TAFA1: variants seen among roughly 807,000 people sequenced by gnomAD.
The protein encoded by TAFA1 is chemokine-like protein TAFA-1.
A neutral mutation model predicts 18.5 loss-of-function variants in TAFA1; 4 were observed. That is an observed-to-expected ratio of 0.22 (90% CI 0.11 to 0.49). The LOEUF (loss-of-function observed/expected upper bound fraction) is 0.49, where lower values mean the gene tolerates loss of function less well. Among genes scored for constraint, TAFA1 ranks in the 20% least tolerant of loss-of-function variants. The pLI, the probability that TAFA1 is intolerant of heterozygous loss-of-function variation, is 0.98. For synonymous variants in TAFA1, 56 were observed against 55.2 expected, an observed-to-expected ratio of 1.01 and a Z score of -0.06; for missense variants, 147 against 169.0, an observed-to-expected ratio of 0.87 and a Z score of 0.72.
At chr3:68,519,745 G>A (rs1391555891) in intron 3 of TAFA1, among the ~76,000 whole-genome samples, 1 of 152,250 alleles carries the variant, frequency 6.6e-6, no homozygotes, top group Non-Finnish European at 1.5e-5. Context: ...GCAGAGTGAG[G>A]TTTCTGGGGG....
At chr3:68,422,053 A>G (rs566305568) in intron 3 of TAFA1, among the ~76,000 whole-genome samples, 1 of 152,264 alleles carries the variant, frequency 6.6e-6, no homozygotes, top group East Asian at 1.9e-4. Flanking sequence ...ACATTGTAAG[A>G]TAACATATTA....
At chr3:68,126,591 T>C (rs1026785693) in intron 2 of TAFA1, among the ~76,000 whole-genome samples, 1 of 152,266 alleles carries the variant, frequency 6.6e-6, no homozygotes, top group South Asian at 2.1e-4. Flanking sequence ...CAATCATTGA[T>C]CCTGTTATGG....
intron 3 of TAFA1, among the ~76,000 whole-genome samples, chr3:68,426,812 C>A (rs968734152): frequency 6.6e-6 from 1 of 151,780 alleles, no homozygotes; most frequent in Non-Finnish European, 1.5e-5. Context: ...TTAGCAACAT[C>A]TCTTGAATGT....
chr3:68,139,838 T>C (rs759641418), intron 2 of TAFA1, among the ~76,000 whole-genome samples: 3 of 152,130 alleles, frequency 2.0e-5, no homozygotes, highest in Non-Finnish European at 4.4e-5. Flanking sequence ...GAGAATACAG[T>C]GGTTAAGAGT....
At chr3:68,279,723 T>C (rs998135004) in intron 2 of TAFA1, among the ~76,000 whole-genome samples, 3 of 152,190 alleles carry the variant, frequency 2.0e-5, no homozygotes, top group African/African-American at 4.8e-5. Context: ...GTTTTCTATG[T>C]AATATTAAGT....
chr3:68,021,149 GCACTC>G (rs1229668086), intron 2 of TAFA1, among the ~76,000 whole-genome samples: 114 of 116,280 alleles, frequency 9.8e-4, no homozygotes, highest in African/African-American at 3.5e-3. Context: ...TCGTGCCACT[GCACTC>G]CAGCCTAGTC....
At chr3:68,076,323 A>T (rs1410207961) in intron 2 of TAFA1, among the ~76,000 whole-genome samples, 7 of 150,632 alleles carry the variant, frequency 4.6e-5, no homozygotes, top group Non-Finnish European at 8.9e-5. Flanking sequence ...GTTTTAAATT[A>T]TACTTTAAGT....
chr3:68,020,196 C>A (rs1704658290), intron 2 of TAFA1, among the ~76,000 whole-genome samples: 1 of 152,192 alleles, frequency 6.6e-6, no homozygotes, highest in Admixed American at 6.5e-5. Flanking sequence ...CTACTTACAT[C>A]TTTGGAAATT....
chr3:68,278,300 A>C (rs2067832391), intron 2 of TAFA1, among the ~76,000 whole-genome samples: 1 of 152,140 alleles, frequency 6.6e-6, no homozygotes, highest in Non-Finnish European at 1.5e-5. Context: ...TGTTTATATA[A>C]AGAATTTCAC....
chr3:68,352,008 G>A (rs1257420482), intron 2 of TAFA1, among the ~76,000 whole-genome samples: 1 of 151,856 alleles, frequency 6.6e-6, no homozygotes, highest in African/African-American at 2.4e-5. Flanking sequence ...AAAGCAGTGT[G>A]GAATGCTCTA....
At chr3:67,998,630 GT>G in the TAFA1 span, among the ~76,000 whole-genome samples, 3 of 152,298 alleles carry the variant, frequency 2.0e-5, no homozygotes, top group East Asian at 5.8e-4. Context: ...CAAAACAATC[GT>G]TTCTCTTGTT....
intron 2 of TAFA1, among the ~76,000 whole-genome samples, chr3:68,112,786 GA>G (rs139264877): frequency 0.015 from 2,299 of 151,316 alleles, 22 homozygotes; most frequent in African/African-American, 0.03. Flanking sequence ...AAAATAAACA[GA>G]AAAAAATGAA....
At chr3:68,394,858 C>G (rs987543198) in intron 2 of TAFA1, among the ~76,000 whole-genome samples, 14 of 152,136 alleles carry the variant, frequency 9.2e-5, no homozygotes, top group Admixed American at 7.9e-4. Context: ...AGAAGAAAAC[C>G]TAGGCAAATA....
chr3:68,400,985 A>G (rs926289642), intron 2 of TAFA1, among the ~76,000 whole-genome samples: 2 of 152,222 alleles, frequency 1.3e-5, no homozygotes, highest in Non-Finnish European at 2.9e-5. Context: ...AAAGGAGAGA[A>G]TGAATATTGT....
At chr3:68,392,737 C>A (rs1238223166) in intron 2 of TAFA1, among the ~76,000 whole-genome samples, 1 of 152,174 alleles carries the variant, frequency 6.6e-6, no homozygotes, top group Non-Finnish European at 1.5e-5. Context: ...GGAAACTGAA[C>A]AACCTGCTCC....
At chr3:68,451,062 C>G (rs1358363601) in intron 3 of TAFA1, among the ~76,000 whole-genome samples, 1 of 152,214 alleles carries the variant, frequency 6.6e-6, no homozygotes. Flanking sequence ...AGTCCAGGCT[C>G]TTGACTTCAT....
chr3:68,036,290 T>C (rs188175644), intron 2 of TAFA1, among the ~76,000 whole-genome samples: 1 of 151,964 alleles, frequency 6.6e-6, no homozygotes, highest in East Asian at 1.9e-4. Flanking sequence ...AATACAAAAA[T>C]TAGCCATGCA....
chr3:68,343,574 C>T (rs2069119693), intron 2 of TAFA1, among the ~76,000 whole-genome samples: 1 of 152,106 alleles, frequency 6.6e-6, no homozygotes, highest in African/African-American at 2.4e-5. Context: ...AGTGATCTCA[C>T]AGAGGTTTGC....
intron 3 of TAFA1, among the ~76,000 whole-genome samples, chr3:68,525,667 C>A (rs574560979): frequency 7.0e-4 from 106 of 152,262 alleles, no homozygotes; most frequent in African/African-American, 2.5e-3. Flanking sequence ...TTTGCCATTT[C>A]AAATATAGAC....
Sources: gnomAD v4.1 joint callset for allele counts (sites outside exome capture counted in the v4.1 genomes callset) on GRCh38, gnomAD v4.1.1 for gene constraint, MANE v1.5 for transcripts, NCBI Gene and HGNC (gene_info 2026-07-23, HGNC 2026-07-21) for gene names.